Variants in SLIT3 observed in about 807,000 individuals in gnomAD.
The protein encoded by SLIT3 is slit homolog 3 protein.
SLIT3 carries 68 observed loss-of-function variants against 184.0 expected under a neutral mutation model. The ratio of observed to expected loss-of-function variants is 0.37; its 90% CI spans 0.30 to 0.45. The LOEUF is 0.45. Ranked by LOEUF, SLIT3 falls within the 20% of genes least tolerant of loss-of-function variation. The probability of loss-of-function intolerance (pLI) is 1.00; values close to 1 mark genes in which losing one functional copy is unlikely to be tolerated. For missense variants in SLIT3, 1,707 were observed against 2,026.0 expected, an observed-to-expected ratio of 0.84 and a Z score of 3.02; for synonymous variants, 831 against 828.6, an observed-to-expected ratio of 1.00 and a Z score of -0.05.
chr5:168,897,078 A>G (rs1193304489), intron 4 of SLIT3, among the ~76,000 whole-genome samples: 6 of 152,162 alleles, frequency 3.9e-5, no homozygotes, highest in African/African-American at 1.4e-4. Context: ...TCACAACCCT[A>G]TTAAACCTGT....
intron 26 of SLIT3, chr5:168,707,109 T>A (rs895376373): frequency 6.6e-6 from 1 of 152,226 alleles, no homozygotes; most frequent in Non-Finnish European, 1.5e-5. Context: ...GGAAAAGGAT[T>A]GGGTTCTGGA....
intron 1 of SLIT3, among the ~76,000 whole-genome samples, chr5:169,265,724 G>A (rs982922043): frequency 1.3e-5 from 2 of 152,106 alleles, no homozygotes; most frequent in Admixed American, 1.3e-4. Context: ...GAGATGATAC[G>A]TATAAAGTGA....
At chr5:169,242,517 C>T (rs937179017) in intron 3 of SLIT3, among the ~76,000 whole-genome samples, 4 of 152,296 alleles carry the variant, frequency 2.6e-5, no homozygotes, top group Admixed American at 2.0e-4. Flanking sequence ...ATTTTTCATG[C>T]TGTTTTCTCT....
At chr5:168,672,285 A>G (rs1761278742) in intron 33 of SLIT3, among the ~76,000 whole-genome samples, 1 of 151,898 alleles carries the variant, frequency 6.6e-6, no homozygotes, top group African/African-American at 2.4e-5. Context: ...CTACATCTGA[A>G]CCACCCATTA....
At chr5:169,155,801 A>G (rs1237174266) in intron 4 of SLIT3, among the ~76,000 whole-genome samples, 1 of 152,204 alleles carries the variant, frequency 6.6e-6, no homozygotes, top group Non-Finnish European at 1.5e-5. Context: ...CACAGATAGT[A>G]AGAAAAGTTG....
intron 3 of SLIT3, among the ~76,000 whole-genome samples, chr5:169,206,579 G>A (rs1282540081): frequency 6.6e-6 from 1 of 152,180 alleles, no homozygotes; most frequent in African/African-American, 2.4e-5. Flanking sequence ...CTTTTGTTTT[G>A]AGTTAGTTCA....
chr5:169,027,399 C>A (rs1756869007), intron 4 of SLIT3, among the ~76,000 whole-genome samples: 1 of 152,146 alleles, frequency 6.6e-6, no homozygotes, highest in African/African-American at 2.4e-5. Context: ...AGTGTTTAAA[C>A]AAGTATTTAA....
chr5:168,829,107 A>G (rs1295659614), intron 6 of SLIT3, among the ~76,000 whole-genome samples: 2 of 152,096 alleles, frequency 1.3e-5, no homozygotes, highest in Admixed American at 6.5e-5. Context: ...CAAGATAGCC[A>G]TCTTTGATCT....
At chr5:169,087,570 C>T (rs951637266) in intron 4 of SLIT3, among the ~76,000 whole-genome samples, 3 of 152,138 alleles carry the variant, frequency 2.0e-5, no homozygotes, top group African/African-American at 7.2e-5. Context: ...GAATAGTTAG[C>T]TAAGGCATGC....
chr5:168,787,658 C>T (rs1277582626), intron 11 of SLIT3, among the ~76,000 whole-genome samples: 3 of 152,298 alleles, frequency 2.0e-5, no homozygotes, highest in Non-Finnish European at 4.4e-5. Flanking sequence ...CCCTCCCCCG[C>T]ACCTCCCAGC....
intron 4 of SLIT3, among the ~76,000 whole-genome samples, chr5:168,920,875 G>C (rs1404320324): frequency 6.6e-6 from 1 of 152,096 alleles, no homozygotes; most frequent in East Asian, 1.9e-4. Context: ...CTCACTGATA[G>C]ATTAGGTAAA....
At chr5:169,207,608 G>C (rs1353708857) in intron 3 of SLIT3, among the ~76,000 whole-genome samples, 1 of 152,096 alleles carries the variant, frequency 6.6e-6, no homozygotes, top group Non-Finnish European at 1.5e-5. Context: ...CTCAGCTTAG[G>C]CTTAAAAGAA....
At chr5:168,865,966 A>G (rs558062154) in intron 5 of SLIT3, among the ~76,000 whole-genome samples, 4 of 152,202 alleles carry the variant, frequency 2.6e-5, no homozygotes, top group Admixed American at 6.5e-5. Context: ...CTCAAACTGT[A>G]TTCTCATTCC....
At chr5:169,084,166 C>G (rs1759185540) in intron 4 of SLIT3, among the ~76,000 whole-genome samples, 1 of 152,136 alleles carries the variant, frequency 6.6e-6, no homozygotes, top group Admixed American at 6.5e-5. Flanking sequence ...CTGCAGCCTT[C>G]TAGCCTAGGC....
At position 169,135,094 on chromosome 5, in the gene SLIT3, G is replaced by A. The variant is rs565067606; in HGVS notation, c.413+58385C>T. Among the ~76,000 whole-genome samples the A allele has an allele frequency of 2.0e-5, 3 of 152,268 alleles. No homozygotes were observed. In the South Asian group the frequency reaches 6.2e-4, roughly 32 times the overall value. On this transcript the variant is annotated intron_variant, in intron 4 of 35. Transcript: ENST00000519560. ...CTCTAACAAATGAGAGGGTGGACTT[G>A]ATCAGTGTGTTTTGTTTGTTTGTTT...
At chr5:168,737,019 T>C (rs957587262) in intron 20 of SLIT3, among the ~76,000 whole-genome samples, 2 of 152,200 alleles carry the variant, frequency 1.3e-5, no homozygotes, top group Admixed American at 1.3e-4. Flanking sequence ...AGCACAGCAC[T>C]TGGTACACAG....
intron 4 of SLIT3, among the ~76,000 whole-genome samples, chr5:169,073,571 A>G (rs965565569): frequency 6.6e-6 from 1 of 151,756 alleles, no homozygotes; most frequent in African/African-American, 2.4e-5. Flanking sequence ...TGTGATCTCC[A>G]ATGTTGGAGG....
At position 169,185,775 on chromosome 5, in the gene SLIT3, G is replaced by A. The variant is rs542601926; in HGVS notation, c.413+7704C>T. Among the ~76,000 whole-genome samples the A allele has an allele frequency of 1.2e-3, 179 of 152,288 alleles. 4 individuals are homozygous for A. The highest frequency in any genetic ancestry group is 5.9e-4 in the Non-Finnish European group (40 of 68,038). On this transcript the variant is annotated intron_variant, in intron 4 of 35. Transcript: ENST00000519560. Reference sequence around the variant, plus strand: ...TTTAGGGCTTCATAGAGATAAGGGAGCTAGCATTTACTAAATTCCTAACTA... The same window carrying A: ...TTTAGGGCTTCATAGAGATAAGGGAACTAGCATTTACTAAATTCCTAACTA...
chr5:169,098,345 G>C (rs1174208387), intron 4 of SLIT3, among the ~76,000 whole-genome samples: 3 of 152,160 alleles, frequency 2.0e-5, no homozygotes, highest in African/African-American at 7.2e-5. Flanking sequence ...CGATAACTAT[G>C]CACAATCATA....
Sources: allele counts gnomAD v4.1 joint callset (sites outside exome capture counted in the v4.1 genomes callset), GRCh38; gene constraint gnomAD v4.1.1; transcripts MANE v1.5; gene names NCBI Gene and HGNC (gene_info 2026-07-23, HGNC 2026-07-21).